The following NOL4 variants were observed in gnomAD, a reference collection of about 807,000 sequenced individuals.
The protein encoded by NOL4 is cancer/testis antigen 125.
Under a neutral mutation model 75.9 loss-of-function variants are expected in NOL4, and 17 were observed. That is an observed-to-expected ratio of 0.22 (90% CI 0.15 to 0.34). The LOEUF is 0.34. Ranked by LOEUF, NOL4 falls within the 10% of genes least tolerant of loss-of-function variation. The pLI is 1.00. For missense variants in NOL4, 614 were observed against 793.5 expected, an observed-to-expected ratio of 0.77 and a Z score of 2.72; for synonymous variants, 292 against 289.9, an observed-to-expected ratio of 1.01 and a Z score of -0.07.
chr18:34,080,497 T>G (rs1033210760), intron 5 of NOL4, among the ~76,000 whole-genome samples: 15 of 152,146 alleles, frequency 9.9e-5, no homozygotes, highest in African/African-American at 3.6e-4. Context: ...TACCCCTAAT[T>G]GAAATGAAGG....
At chr18:33,880,033 T>A (rs2064164965) in intron 10 of NOL4, among the ~76,000 whole-genome samples, 1 of 152,122 alleles carries the variant, frequency 6.6e-6, no homozygotes, top group Non-Finnish European at 1.5e-5. Flanking sequence ...AGCATTTGGA[T>A]TTTTACTAAA....
At chr18:33,965,121 C>T (rs1281267824) in intron 6 of NOL4, among the ~76,000 whole-genome samples, 1 of 152,028 alleles carries the variant, frequency 6.6e-6, no homozygotes, top group Non-Finnish European at 1.5e-5. Flanking sequence ...AACAAAATAT[C>T]CACACTTGTT....
intron 2 of NOL4, among the ~76,000 whole-genome samples, chr18:34,118,788 AT>A (rs2079984148): frequency 6.6e-6 from 1 of 152,192 alleles, no homozygotes; most frequent in Non-Finnish European, 1.5e-5. Flanking sequence ...ATTAAAATAT[AT>A]TTTAACCCAT....
chr18:33,977,525 A>G (rs1345785587), intron 6 of NOL4, among the ~76,000 whole-genome samples: 1 of 152,120 alleles, frequency 6.6e-6, no homozygotes, highest in African/African-American at 2.4e-5. Flanking sequence ...CTTCCCAGCC[A>G]TGTGGAACTG....
chr18:34,104,116 G>A lies in NOL4; in HGVS notation c.570C>T (p.Tyr190=), dbSNP rs1423225624. 1.2e-6 allele frequency: 2 copies of A among 1,611,480 alleles called. No homozygotes were observed. Among genetic ancestry groups the A allele is most frequent in the East Asian group, 4.5e-5 (2 of 44,826 alleles). The change falls in exon 4 of 11, where the codon TAC becomes TAT. Residue 190 remains tyrosine (Y), a synonymous_variant. Coordinates refer to ENST00000261592, the MANE Select transcript of NOL4 (RefSeq NM_003787.5). Reference sequence around the variant, plus strand: ...TGTAGGCCATGGTAATTGGCATGTTGTAGTCAATCATGCTGGTCACCAAAG... The same window carrying A: ...TGTAGGCCATGGTAATTGGCATGTTATAGTCAATCATGCTGGTCACCAAAG... The part of the protein sequence containing the change: ...PPTLVTSMID[Y]NMPITMAYMK...
At chr18:33,951,974 T>C (rs1405012382) in intron 8 of NOL4, among the ~76,000 whole-genome samples, 1 of 152,222 alleles carries the variant, frequency 6.6e-6, no homozygotes, top group Non-Finnish European at 1.5e-5. Flanking sequence ...GTTCTACATT[T>C]ACTTTTTCTA....
chr18:34,223,029 G>A lies in NOL4; in HGVS notation c.225C>T (p.Gly75=). The A allele has an allele frequency of 7.4e-6, 12 of 1,612,584 alleles. No homozygotes were observed. The highest frequency in any genetic ancestry group is 1.0e-5 in the Non-Finnish European group (12 of 1,180,024). The change falls in exon 1 of 11, where the codon GGC becomes GGT. Residue 75 remains glycine, a synonymous_variant. Transcript: ENST00000261592. ...GCACGTAGAGCACTTGCTTGGCGCC[G>A]CCGCCTCCCCCGCGGACCTCGTCCG... is the stretch of plus-strand genomic sequence containing the variant. The part of the protein sequence containing the change: ...GQPDEVRGGG[G]GAKQVLYVPV...
intron 9 of NOL4, among the ~76,000 whole-genome samples, chr18:33,935,945 C>A (rs2068028756): frequency 6.6e-6 from 1 of 152,024 alleles, no homozygotes; most frequent in African/African-American, 2.4e-5. Context: ...TGTGGACTGG[C>A]AGGCCATAGA....
intron 9 of NOL4, among the ~76,000 whole-genome samples, chr18:33,892,595 G>T (rs1049873961): frequency 1.3e-5 from 2 of 151,982 alleles, no homozygotes; most frequent in Non-Finnish European, 2.9e-5. Flanking sequence ...ACAAGGCAAT[G>T]AAATACATTT....
intron 1 of NOL4, among the ~76,000 whole-genome samples, chr18:34,172,868 C>G (rs1159758270): frequency 6.6e-6 from 1 of 151,966 alleles, no homozygotes; most frequent in Non-Finnish European, 1.5e-5. Context: ...GTTGTTTAGA[C>G]TTTTTGCTGT....
intron 1 of NOL4, among the ~76,000 whole-genome samples, chr18:34,189,565 A>G (rs1180620051): frequency 1.3e-5 from 2 of 152,202 alleles, no homozygotes; most frequent in Non-Finnish European, 2.9e-5. Flanking sequence ...AGCAAAATCA[A>G]AGAATCCCTA....
At chr18:34,081,153 A>C (rs2077992713) in intron 5 of NOL4, among the ~76,000 whole-genome samples, 1 of 152,212 alleles carries the variant, frequency 6.6e-6, no homozygotes, top group Admixed American at 6.5e-5. Context: ...CAATTTACTA[A>C]ACATAAGTTC....
intron 5 of NOL4, among the ~76,000 whole-genome samples, chr18:34,089,026 T>C (rs1341644395): frequency 3.3e-5 from 5 of 152,134 alleles, no homozygotes; most frequent in African/African-American, 1.2e-4. Flanking sequence ...TATCCAGATA[T>C]GTATTTCCAA....
In NOL4 at chr18:34,118,274, CT is replaced by C. The variant is rs1228787911; in HGVS notation, c.414+11596del. On this transcript the variant is annotated intron_variant, in intron 2 of 10. Coordinates refer to ENST00000261592, the MANE Select transcript of NOL4 (RefSeq NM_003787.5). ...AGAATTTGCCCTTAAGGCCAAACTT[CT>C]GACATTTTCTCTTATCAATATCCTG... 3.3e-5 allele frequency among the ~76,000 whole-genome samples: 5 copies of C among 152,152 alleles called. No individual in the cohort carries two copies. In the East Asian group the frequency reaches 9.6e-4, roughly 29 times the overall value.
intron 2 of NOL4, among the ~76,000 whole-genome samples, chr18:34,119,162 G>A (rs530658073): frequency 6.6e-6 from 1 of 152,226 alleles, no homozygotes; most frequent in East Asian, 1.9e-4. Context: ...CAGACATACT[G>A]GCCTGCCTAA....
intron 5 of NOL4, among the ~76,000 whole-genome samples, chr18:34,034,615 G>T (rs542918953): frequency 3.3e-5 from 5 of 151,910 alleles, no homozygotes; most frequent in Admixed American, 3.3e-4. Context: ...GGTGCACACC[G>T]ATAGTCCCAG....
intron 9 of NOL4, among the ~76,000 whole-genome samples, chr18:33,920,829 G>T (rs963026330): frequency 2.6e-5 from 4 of 152,148 alleles, no homozygotes; most frequent in Non-Finnish European, 5.9e-5. Context: ...GACAGAGATG[G>T]GATTGAATGA....
At chr18:34,029,675 C>A (rs773863179) in intron 5 of NOL4, among the ~76,000 whole-genome samples, 7 of 152,114 alleles carry the variant, frequency 4.6e-5, no homozygotes, top group Non-Finnish European at 8.8e-5. Flanking sequence ...GGAAACCATG[C>A]CATACATGAA....
intron 6 of NOL4, among the ~76,000 whole-genome samples, chr18:33,991,052 C>G (rs1275546875): frequency 6.6e-6 from 1 of 151,986 alleles, no homozygotes; most frequent in Non-Finnish European, 1.5e-5. Flanking sequence ...TTCTTTGGGT[C>G]AAATTTCTCC....
Sources: gnomAD v4.1 joint callset for allele counts (sites outside exome capture counted in the v4.1 genomes callset) on GRCh38, gnomAD v4.1.1 for gene constraint, MANE v1.5 for transcripts, NCBI Gene and HGNC (gene_info 2026-07-23, HGNC 2026-07-21) for gene names.